Variants in TMEM245 observed in about 807,000 individuals in gnomAD.
The protein encoded by TMEM245 is protein CG-2.
Under a neutral mutation model 101.2 loss-of-function variants are expected in TMEM245, and 69 were observed. The observed-to-expected ratio is 0.68, with a 90% CI of 0.56 to 0.83. The LOEUF is 0.83. TMEM245 is among the 40% of genes least tolerant of loss of function. TMEM245 has a pLI of 0.00. For missense variants in TMEM245, 1,075 were observed against 1,092.8 expected (o/e 0.98, Z 0.23); for synonymous variants, 537 against 449.8 (o/e 1.19, Z -2.45).
At chr9:109,097,169 T>C (rs930680024) in intron 3 of TMEM245, among the ~76,000 whole-genome samples, 7 of 152,104 alleles carry the variant, frequency 4.6e-5, no homozygotes, top group Non-Finnish European at 8.8e-5. Context: ...GTAAGCTAGA[T>C]AAAGAAGACA....
In TMEM245 at chr9:109,017,046, CCAGTAGTGACA is replaced by C. The variant is rs1827467577; in HGVS notation, c.*3403_*3413del. 6.6e-6 allele frequency: 1 copy of C among 152,138 alleles called. No individual in the cohort carries two copies. Among genetic ancestry groups the C allele is most frequent in the South Asian group, 2.1e-4 (1 of 4,828 alleles). The allele number at this position is 152,138 out of a possible 1,614,324, so 9.4% of individuals were successfully genotyped here. A position where few individuals can be genotyped will look rare whatever the true frequency, so the allele number is the denominator to read the frequency against. On this transcript the variant is annotated 3_prime_UTR_variant, in exon 18 of 18. Transcript: ENST00000374586. ...GCCTGAATTTCTGAGTATTGCTTGA[CCAGTAGTGACA>C]CATTCCTGAGGCACTAATATAACCC... is the stretch of plus-strand genomic sequence containing the variant.
chr9:109,081,812 C>T (rs374498884), intron 7 of TMEM245, among the ~76,000 whole-genome samples: 4 of 152,098 alleles, frequency 2.6e-5, no homozygotes, highest in African/African-American at 9.7e-5. Flanking sequence ...CTGTGCTTTC[C>T]CTAAATGCTA....
At chr9:109,094,969 T>C (rs72760354) in intron 3 of TMEM245, among the ~76,000 whole-genome samples, 2 of 152,080 alleles carry the variant, frequency 1.3e-5, no homozygotes, top group East Asian at 3.9e-4. Flanking sequence ...CTCTCCCAGA[T>C]AGCAGCAAGC....
intron 14 of TMEM245, 161 bp from the exon 15 acceptor site, chr9:109,038,278 T>C (rs1391780590): frequency 6.3e-6 from 3 of 475,088 alleles, no homozygotes; most frequent in African/African-American, 6.0e-5. Flanking sequence ...CATAAACACC[T>C]TACTTTAAAT....
chr9:109,089,860 T>G (rs1829947494), intron 5 of TMEM245, among the ~76,000 whole-genome samples: 1 of 152,204 alleles, frequency 6.6e-6, no homozygotes, highest in Non-Finnish European at 1.5e-5. Context: ...ATTTAATTTT[T>G]CTGCCAAATC....
chr9:109,056,023 T>G (rs932393766), intron 12 of TMEM245, among the ~76,000 whole-genome samples: 1 of 152,186 alleles, frequency 6.6e-6, no homozygotes, highest in Non-Finnish European at 1.5e-5. Context: ...CTTTCAAAAT[T>G]AAGGAATCCA....
intron 14 of TMEM245, among the ~76,000 whole-genome samples, chr9:109,047,917 T>C (rs952748414): frequency 2.0e-5 from 3 of 152,236 alleles, no homozygotes; most frequent in Admixed American, 1.3e-4. Context: ...TCCTTTTTGG[T>C]AGAGCATTTG....
chr9:109,100,166 G>T (rs1424902666), intron 3 of TMEM245, among the ~76,000 whole-genome samples: 4 of 152,160 alleles, frequency 2.6e-5, no homozygotes, highest in African/African-American at 9.7e-5. Flanking sequence ...AAGTCAACAG[G>T]ACCAATATGG....
intron 12 of TMEM245, 103 bp from the exon 13 acceptor site, chr9:109,050,795 A>C: frequency 7.8e-7 from 1 of 1,287,228 alleles, no homozygotes; most frequent in Non-Finnish European, 1.1e-6. Flanking sequence ...CCATGAACTG[A>C]AAAGCTAAGA....
At chr9:109,040,745 C>G (rs1588026539) in intron 14 of TMEM245, among the ~76,000 whole-genome samples, 1 of 152,276 alleles carries the variant, frequency 6.6e-6, no homozygotes, top group East Asian at 1.9e-4. Flanking sequence ...TTGAGCTTCA[C>G]CAACATTGTT....
intron 17 of TMEM245, among the ~76,000 whole-genome samples, chr9:109,023,948 T>C (rs953200900): frequency 2.0e-5 from 3 of 152,124 alleles, no homozygotes. Context: ...GCAACAGGGA[T>C]TGTGCAGTGT....
chr9:109,024,654 T>A (rs1431879803), intron 17 of TMEM245, among the ~76,000 whole-genome samples: 1 of 152,230 alleles, frequency 6.6e-6, no homozygotes, highest in Non-Finnish European at 1.5e-5. Context: ...GTATACACCA[T>A]GATACTGGAC....
In TMEM245 at chr9:109,111,837, GT is replaced by G. The variant is rs1345215897; in HGVS notation, c.580-3268del. Among the ~76,000 whole-genome samples, 3 of 151,832 alleles carry G rather than the reference GT, an allele frequency of 2.0e-5. No individual in the cohort carries two copies. In the East Asian group the frequency reaches 5.8e-4, roughly 29 times the overall value. On this transcript the variant is annotated intron_variant, in intron 1 of 17. Transcript: ENST00000374586. ...GGTGAAAATATACTCAACAAAAAATGTTTTAAAATATTATCTCTAGATGGCA... is the reference window on the plus strand; with the variant it reads ...GGTGAAAATATACTCAACAAAAAATGTTTAAAATATTATCTCTAGATGGCA...
At chr9:109,069,277 G>A (rs966710970) in intron 9 of TMEM245, among the ~76,000 whole-genome samples, 1 of 152,096 alleles carries the variant, frequency 6.6e-6, no homozygotes, top group East Asian at 1.9e-4. Flanking sequence ...TTGACTTCCA[G>A]TACAGAAGAA....
intron 3 of TMEM245, among the ~76,000 whole-genome samples, chr9:109,097,775 G>A (rs1440996574): frequency 6.6e-6 from 1 of 152,082 alleles, no homozygotes; most frequent in African/African-American, 2.4e-5. Context: ...AAAAAAATTA[G>A]CCAGGTATGG....
chr9:109,033,167 G>T, intron 17 of TMEM245, 140 bp downstream of exon 17: 1 of 935,986 alleles, frequency 1.1e-6, no homozygotes, highest in Non-Finnish European at 1.5e-6. Flanking sequence ...TATTTACTTA[G>T]TGTCTTCTGC....
intron 2 of TMEM245, 127 bp from the exon 3 acceptor site, chr9:109,106,736 C>CA (rs751615133): frequency 0.074 from 31,130 of 418,862 alleles, 20 homozygotes; most frequent in South Asian, 0.11. Context: ...ACTTATCAGG[C>CA]AAAAAAAAAA....
At chr9:109,073,570 A>G in intron 8 of TMEM245, 132 bp from the exon 9 acceptor site, 1 of 641,146 alleles carries the variant, frequency 1.6e-6, no homozygotes, top group Non-Finnish European at 2.6e-6. Flanking sequence ...TAATTAATTT[A>G]GAAACATGCA....
chr9:109,079,669 T>C (rs913906451), intron 8 of TMEM245, among the ~76,000 whole-genome samples: 1 of 150,500 alleles, frequency 6.6e-6, no homozygotes, highest in Non-Finnish European at 1.5e-5. Context: ...AAGCAGGGGA[T>C]GAACAAAGAA....
Sources: gnomAD v4.1 joint callset for allele counts (sites outside exome capture counted in the v4.1 genomes callset) on GRCh38, gnomAD v4.1.1 for gene constraint, MANE v1.5 for transcripts, NCBI Gene and HGNC (gene_info 2026-07-23, HGNC 2026-07-21) for gene names.